Variants in PDE1A observed in about 807,000 individuals in gnomAD.
PDE1A encodes dual specificity calcium/calmodulin-dependent 3',5'-cyclic nucleotide phosphodiesterase 1A.
PDE1A carries 35 observed loss-of-function variants against 61.7 expected under a neutral mutation model. The ratio of observed to expected loss-of-function variants is 0.57; its 90% CI spans 0.43 to 0.75. PDE1A has a LOEUF of 0.75. Among genes scored for constraint, PDE1A ranks in the 30% least tolerant of loss-of-function variants. The pLI is 0.00. For missense variants in PDE1A, 597 were observed against 630.6 expected, an observed-to-expected ratio of 0.95 and a Z score of 0.57; for synonymous variants, 232 against 213.2, an observed-to-expected ratio of 1.09 and a Z score of -0.77.
At chr2:182,671,361 T>TTC in the PDE1A span, among the ~76,000 whole-genome samples, 4,144 of 114,132 alleles carry the variant, frequency 0.036, 140 homozygotes, top group African/African-American at 0.064. Flanking sequence ...TTTTTTTTTT[T>TTC]GTATTTTTAG....
the PDE1A span, among the ~76,000 whole-genome samples, chr2:182,614,845 T>C: frequency 6.6e-6 from 1 of 152,184 alleles, no homozygotes; most frequent in African/African-American, 2.4e-5. Context: ...GCGTAAGCCA[T>C]TGTGCCCAGC....
chr2:182,577,992 G>C, the PDE1A span, among the ~76,000 whole-genome samples: 499 of 148,328 alleles, frequency 3.4e-3, 7 homozygotes, highest in African/African-American at 0.011. Context: ...AAGGAAGGAA[G>C]GGACGGAGGG....
intron 1 of PDE1A, among the ~76,000 whole-genome samples, chr2:182,323,360 T>C (rs1241048109): frequency 1.3e-5 from 2 of 152,222 alleles, no homozygotes; most frequent in African/African-American, 4.8e-5. Flanking sequence ...TAGCTATTTC[T>C]ATCAATGGGA....
the PDE1A span, among the ~76,000 whole-genome samples, chr2:182,601,289 AG>A: frequency 6.6e-6 from 1 of 152,234 alleles, no homozygotes; most frequent in Non-Finnish European, 1.5e-5. Context: ...CACAGGTGCC[AG>A]CTCTCTGCAA....
At chr2:182,237,000 G>A (rs1189280385) in intron 3 of PDE1A, among the ~76,000 whole-genome samples, 1 of 152,182 alleles carries the variant, frequency 6.6e-6, no homozygotes, top group South Asian at 2.1e-4. Context: ...ACTCATCCTT[G>A]AATTAGAATG....
At chr2:182,169,955 T>TCTC (rs1692032155) in intron 13 of PDE1A, among the ~76,000 whole-genome samples, 2 of 51,638 alleles carry the variant, frequency 3.9e-5, no homozygotes, top group Non-Finnish European at 5.0e-5. Context: ...CTCTCTCTCT[T>TCTC]TCTCTTTCAT....
intron 2 of PDE1A, among the ~76,000 whole-genome samples, chr2:182,437,166 A>T (rs1340836873): frequency 1.3e-5 from 2 of 151,962 alleles, no homozygotes; most frequent in African/African-American, 4.8e-5. Flanking sequence ...TTCATTGAAC[A>T]AAAGTGGATA....
intron 1 of PDE1A, among the ~76,000 whole-genome samples, chr2:182,316,768 T>G (rs1276015082): frequency 6.6e-6 from 1 of 152,194 alleles, no homozygotes; most frequent in Non-Finnish European, 1.5e-5. Flanking sequence ...ACGAAAACAT[T>G]TTAAAAATTG....
chr2:182,709,997 A>G, the PDE1A span, among the ~76,000 whole-genome samples: 1 of 152,166 alleles, frequency 6.6e-6, no homozygotes, highest in East Asian at 1.9e-4. Context: ...CCCTGGTTCA[A>G]GTGATTCTCC....
chr2:182,678,973 T>A, the PDE1A span, among the ~76,000 whole-genome samples: 2 of 151,128 alleles, frequency 1.3e-5, no homozygotes, highest in East Asian at 1.9e-4. Context: ...TCTGAGATGA[T>A]GGATATGCTA....
chr2:182,572,697 C>T, the PDE1A span, among the ~76,000 whole-genome samples: 3 of 151,884 alleles, frequency 2.0e-5, no homozygotes, highest in African/African-American at 7.3e-5. Flanking sequence ...CATGAAACCC[C>T]GTCTCTACTA....
chr2:182,182,959 T>G (rs1684893457), intron 13 of PDE1A, among the ~76,000 whole-genome samples: 1 of 152,160 alleles, frequency 6.6e-6, no homozygotes, highest in South Asian at 2.1e-4. Context: ...AATGTCTTTA[T>G]TTTTCTTTAT....
At chr2:182,186,170 A>T in intron 12 of PDE1A, 91 bp from the exon 13 acceptor site, 1 of 1,369,602 alleles carries the variant, frequency 7.3e-7, no homozygotes, top group Non-Finnish European at 1.0e-6. Context: ...CCGACTAGAA[A>T]AGCAGGATAG....
the PDE1A span, among the ~76,000 whole-genome samples, chr2:182,706,712 G>C: frequency 2.6e-4 from 39 of 152,228 alleles, no homozygotes; most frequent in African/African-American, 9.4e-4. Context: ...TGGTTCCACA[G>C]TGTCTGGTTA....
chr2:182,462,182 C>A (rs1686339381), intron 2 of PDE1A, among the ~76,000 whole-genome samples: 1 of 151,932 alleles, frequency 6.6e-6, no homozygotes, highest in Admixed American at 6.6e-5. Flanking sequence ...GGAGGGAAAG[C>A]ATTAGGAGAT....
the PDE1A span, among the ~76,000 whole-genome samples, chr2:182,532,671 G>C: frequency 6.6e-6 from 1 of 152,082 alleles, no homozygotes; most frequent in South Asian, 2.1e-4. Flanking sequence ...AAAAATCAAT[G>C]AATTTGCCAG....
chr2:182,700,871 C>T, the PDE1A span, among the ~76,000 whole-genome samples: 2 of 151,530 alleles, frequency 1.3e-5, no homozygotes, highest in African/African-American at 2.4e-5. Flanking sequence ...GAGCTGAGAC[C>T]ACACCACTGC....
chr2:182,200,566 G>C (rs555665160), intron 10 of PDE1A, among the ~76,000 whole-genome samples: 2 of 152,296 alleles, frequency 1.3e-5, no homozygotes, highest in East Asian at 3.9e-4. Context: ...GACCCTCCCA[G>C]ACCTTTCCTT....
chr2:182,515,276 C>A (rs1403663140), intron 2 of PDE1A, among the ~76,000 whole-genome samples: 2 of 152,156 alleles, frequency 1.3e-5, no homozygotes, highest in Admixed American at 1.3e-4. Context: ...TTGTTTGTCT[C>A]CTCTACAGGA....
Sources: allele counts gnomAD v4.1 joint callset (sites outside exome capture counted in the v4.1 genomes callset), GRCh38; gene constraint gnomAD v4.1.1; transcripts MANE v1.5; gene names NCBI Gene and HGNC (gene_info 2026-07-23, HGNC 2026-07-21).